NAV2: variants seen among roughly 807,000 people sequenced by gnomAD.
The protein encoded by NAV2 is helicase, APC down-regulated 1.
NAV2 carries 54 observed loss-of-function variants against 223.2 expected under a neutral mutation model. The ratio of observed to expected loss-of-function variants is 0.24; its 90% CI spans 0.19 to 0.30. The LOEUF (loss-of-function observed/expected upper bound fraction) is 0.30. NAV2 is among the 10% of genes least tolerant of loss of function. The pLI is 1.00. For synonymous variants in NAV2, 1,279 were observed against 1,239.3 expected (o/e 1.03, Z -0.67); for missense variants, 2,806 against 3,147.5 (o/e 0.89, Z 2.60).
chr11:19,838,140 G>T (rs1199727027), intron 2 of NAV2, among the ~76,000 whole-genome samples: 1 of 152,120 alleles, frequency 6.6e-6, no homozygotes, highest in Non-Finnish European at 1.5e-5. Flanking sequence ...GTATCAAAAT[G>T]AAAAGTTAAA....
intron 1 of NAV2, among the ~76,000 whole-genome samples, chr11:19,682,021 C>T (rs905817396): frequency 3.3e-5 from 5 of 152,106 alleles, no homozygotes; most frequent in Non-Finnish European, 7.4e-5. Flanking sequence ...GAGAGCAAGC[C>T]ACAGAGTGGA....
At chr11:19,529,049 T>C (rs1163611893) in intron 1 of NAV2, among the ~76,000 whole-genome samples, 1 of 152,146 alleles carries the variant, frequency 6.6e-6, no homozygotes, top group Non-Finnish European at 1.5e-5. Context: ...AAAGGGCGTT[T>C]TGGCACGTGC....
intron 1 of NAV2, among the ~76,000 whole-genome samples, chr11:19,790,572 A>T (rs1315674078): frequency 1.3e-5 from 2 of 152,234 alleles, no homozygotes; most frequent in African/African-American, 4.8e-5. Context: ...GCTGCTTATT[A>T]GCTGTGTGAC....
intron 1 of NAV2, among the ~76,000 whole-genome samples, chr11:19,679,992 G>T (rs1257267650): frequency 6.6e-6 from 1 of 152,190 alleles, no homozygotes; most frequent in South Asian, 2.1e-4. Flanking sequence ...AAGGCACCTG[G>T]AGTGAGGGGC....
At chr11:19,613,968 A>G (rs965596066) in intron 1 of NAV2, among the ~76,000 whole-genome samples, 5 of 152,220 alleles carry the variant, frequency 3.3e-5, no homozygotes, top group Non-Finnish European at 7.3e-5. Flanking sequence ...TTCATGCAAT[A>G]AATAATTTTT....
At chr11:20,023,806 T>C (rs2054773901) in intron 11 of NAV2, among the ~76,000 whole-genome samples, 1 of 151,918 alleles carries the variant, frequency 6.6e-6, no homozygotes, top group African/African-American at 2.4e-5. Flanking sequence ...TTATGACCTA[T>C]AGAGCTGCCC....
intron 6 of NAV2, among the ~76,000 whole-genome samples, chr11:19,910,306 T>C (rs2625335): frequency 0.97 from 147,504 of 152,282 alleles, 71,460 homozygotes; most frequent in East Asian, 1. Context: ...CCCTCTTTTA[T>C]GTTAAATGCT....
chr11:20,006,829 GC>G (rs563430880), intron 11 of NAV2, among the ~76,000 whole-genome samples: 179 of 152,240 alleles, frequency 1.2e-3, no homozygotes, highest in African/African-American at 3.9e-3. Flanking sequence ...TCCAGCCTGG[GC>G]AACAGAGCAA....
chr11:19,618,725 G>T (rs2046890648), intron 1 of NAV2, among the ~76,000 whole-genome samples: 1 of 152,186 alleles, frequency 6.6e-6, no homozygotes, highest in African/African-American at 2.4e-5. Context: ...GGACGTGAGG[G>T]CTCTGAGGGG....
At position 19,551,455 on chromosome 11, in the gene NAV2, G is replaced by A. The variant is rs190317292; in HGVS notation, c.75+200428G>A. On this transcript the variant is annotated intron_variant, in intron 1 of 37. Transcript: ENST00000360655. ...TCATTGCTGAGTTGTGGACCCAGAC[G>A]GCTGCTCCCCAGCCTGAGCCTGCCA... Among the ~76,000 whole-genome samples the A allele has an allele frequency of 2.6e-3, 391 of 152,290 alleles. 2 individuals carry two copies. The highest frequency in any genetic ancestry group is 8.8e-3 in the African/African-American group (367 of 41,556).
intron 1 of NAV2, among the ~76,000 whole-genome samples, chr11:19,808,685 A>G (rs2058703016): frequency 6.6e-6 from 1 of 152,252 alleles, no homozygotes; most frequent in South Asian, 2.1e-4. Context: ...ACAATTATGT[A>G]GAATGTGGCC....
intron 4 of NAV2, among the ~76,000 whole-genome samples, chr11:19,873,112 A>C (rs2062626457): frequency 1.3e-5 from 2 of 152,110 alleles, no homozygotes; most frequent in South Asian, 4.2e-4. Context: ...TGCAATGGAG[A>C]AATGGAGGTT....
At chr11:19,775,693 A>G (rs2056099292) in intron 1 of NAV2, among the ~76,000 whole-genome samples, 1 of 152,216 alleles carries the variant, frequency 6.6e-6, no homozygotes, top group South Asian at 2.1e-4. Flanking sequence ...GGGAACGAGA[A>G]GTTTCAACAT....
intron 1 of NAV2, among the ~76,000 whole-genome samples, chr11:19,706,246 C>A (rs763583999): frequency 6.6e-6 from 1 of 152,158 alleles, no homozygotes; most frequent in Non-Finnish European, 1.5e-5. Context: ...TACAGGCTTT[C>A]CTCTAATCCT....
intron 17 of NAV2, among the ~76,000 whole-genome samples, chr11:20,053,190 C>T (rs1043899697): frequency 7.9e-6 from 1 of 126,032 alleles, no homozygotes; most frequent in Non-Finnish European, 1.6e-5. Flanking sequence ...CTTTCTCCGG[C>T]CTGGGCAGTA....
At chr11:19,736,221 A>G (rs1326106285) in intron 1 of NAV2, among the ~76,000 whole-genome samples, 1 of 152,222 alleles carries the variant, frequency 6.6e-6, no homozygotes, top group Non-Finnish European at 1.5e-5. Flanking sequence ...TTACAAACAA[A>G]AAAATACTGA....
chr11:20,087,761 C>A (rs141980065), intron 26 of NAV2, among the ~76,000 whole-genome samples: 1 of 152,272 alleles, frequency 6.6e-6, no homozygotes, highest in Non-Finnish European at 1.5e-5. Context: ...AGCAGACCTG[C>A]CAGGTTTGAA....
At chr11:19,457,819 C>A (rs1852008205) in intron 1 of NAV2, among the ~76,000 whole-genome samples, 1 of 152,110 alleles carries the variant, frequency 6.6e-6, no homozygotes, top group Non-Finnish European at 1.5e-5. Flanking sequence ...GTGACAAAGC[C>A]CCCACCCTGA....
intron 6 of NAV2, among the ~76,000 whole-genome samples, chr11:19,914,765 C>T (rs530420800): frequency 5.7e-4 from 87 of 151,688 alleles, no homozygotes; most frequent in African/African-American, 1.9e-3. Flanking sequence ...AGGATGGTCT[C>T]GATCTCCTGA....
Sources: allele counts gnomAD v4.1 joint callset (sites outside exome capture counted in the v4.1 genomes callset), GRCh38; gene constraint gnomAD v4.1.1; transcripts MANE v1.5; gene names NCBI Gene and HGNC (gene_info 2026-07-23, HGNC 2026-07-21).